The following GOLGA8B variants were observed in gnomAD, a reference collection of about 807,000 sequenced individuals.
GOLGA8B encodes the protein golgin subfamily A member 8B.
Under a neutral mutation model 15.6 loss-of-function variants are expected in GOLGA8B, and 1 was observed. That is an observed-to-expected ratio of 0.06 (90% CI 0.02 to 0.30). The LOEUF (loss-of-function observed/expected upper bound fraction) is 0.30. Ranked by LOEUF, GOLGA8B falls within the 10% of genes least tolerant of loss-of-function variation. GOLGA8B has a pLI of 1.00. For synonymous variants in GOLGA8B, 9 were observed against 80.3 expected, an observed-to-expected ratio of 0.11 and a Z score of 4.75; for missense variants, 17 against 201.3, an observed-to-expected ratio of 0.08 and a Z score of 5.54.
intron 1 of GOLGA8B, among the ~76,000 whole-genome samples, chr15:34,576,474 C>T (rs79619019): frequency 1.3e-5 from 2 of 152,222 alleles, no homozygotes; most frequent in Non-Finnish European, 2.9e-5. Flanking sequence ...AGCACAAAGA[C>T]GTCTTCCCCA....
In GOLGA8B at chr15:34,525,113, TTTTTA is replaced by T. The variant is rs1328284133; in HGVS notation, c.*2514_*2518del. On this transcript the variant is annotated 3_prime_UTR_variant, in exon 24 of 24. Coordinates refer to ENST00000683415, the MANE Select transcript of GOLGA8B (RefSeq NM_001023567.5). Reference sequence around the variant, plus strand: ...CCATAACTTTTTTAATCCCATACCTTTTTTATTTTGTGTTCTTTTAATAAACACTT... The same window carrying T: ...CCATAACTTTTTTAATCCCATACCTTTTTTGTGTTCTTTTAATAAACACTT... The T allele has an allele frequency of 5.3e-5, 8 of 149,872 alleles. 2 individuals carry two copies. Among genetic ancestry groups the T allele is most frequent in the African/African-American group, 1.2e-4 (5 of 40,478 alleles). 9.3% of individuals were successfully genotyped at this position (149,872 alleles called of 1,614,324 possible). A position where few individuals can be genotyped will look rare whatever the true frequency, so the allele number is the denominator to read the frequency against.
intron 1 of GOLGA8B, among the ~76,000 whole-genome samples, chr15:34,564,548 T>C (rs1888706785): frequency 6.8e-6 from 1 of 146,552 alleles, no homozygotes; most frequent in South Asian, 2.1e-4. Flanking sequence ...TTGTCAGTCC[T>C]GGGTATAATT....
intron 5 of GOLGA8B, among the ~76,000 whole-genome samples, 185 bp from the exon 6 acceptor site, chr15:34,545,611 CAT>C (rs1372481147): frequency 1.2e-5 from 1 of 83,182 alleles, no homozygotes; most frequent in East Asian, 3.6e-4. Flanking sequence ...GTATTACTCT[CAT>C]GTAATTGCTC....
chr15:34,573,535 T>A (rs111271553), intron 1 of GOLGA8B, among the ~76,000 whole-genome samples: 24 of 25,252 alleles, frequency 9.5e-4, no homozygotes, highest in East Asian at 1.9e-3. Context: ...AGACTCCGTC[T>A]CAAAAAAAAA....
intron 1 of GOLGA8B, among the ~76,000 whole-genome samples, chr15:34,570,062 A>G (rs376381880): frequency 1.8e-4 from 27 of 152,142 alleles, no homozygotes; most frequent in South Asian, 8.3e-4. Context: ...TGAGAACCAG[A>G]GCTGTACCCT....
chr15:34,576,714 G>C (rs1427568295), intron 1 of GOLGA8B, among the ~76,000 whole-genome samples: 2 of 152,204 alleles, frequency 1.3e-5, no homozygotes, highest in Non-Finnish European at 2.9e-5. Flanking sequence ...CAGGGGCTCA[G>C]AATCTAGCAG....
chr15:34,562,710 A>T (rs1888654671), intron 1 of GOLGA8B, among the ~76,000 whole-genome samples: 1 of 104,194 alleles, frequency 9.6e-6, no homozygotes. Flanking sequence ...TTGTTCATTC[A>T]TATTTGAGAG....
chr15:34,557,643 A>AATGTGTGT (rs1555405937), intron 1 of GOLGA8B, among the ~76,000 whole-genome samples: 8 of 31,474 alleles, frequency 2.5e-4, no homozygotes, highest in Admixed American at 9.3e-4. Context: ...AGAATTCATG[A>AATGTGTGT]ATGTGTGTGT....
chr15:34,532,562 CT>C (rs1279323647), intron 11 of GOLGA8B, among the ~76,000 whole-genome samples: 1 of 109,958 alleles, frequency 9.1e-6, no homozygotes, highest in Non-Finnish European at 2.3e-5. Context: ...TACGGGGCCC[CT>C]GACAACCAGT....
At chr15:34,570,048 G>T (rs1888870945) in intron 1 of GOLGA8B, among the ~76,000 whole-genome samples, 1 of 152,190 alleles carries the variant, frequency 6.6e-6, no homozygotes, top group Non-Finnish European at 1.5e-5. Context: ...CCCACCACCT[G>T]CTTTGAGAAC....
In GOLGA8B at chr15:34,580,098, C is replaced by T. The variant is rs199816419; in HGVS notation, c.-1123+3418G>A. Among the ~76,000 whole-genome samples the T allele has an allele frequency of 2.8e-4, 43 of 152,234 alleles. No individual in the cohort carries two copies. In the East Asian group the frequency reaches 7.9e-3, roughly 28 times the overall value. On this transcript the variant is annotated intron_variant, in intron 1 of 23. Coordinates refer to ENST00000683415, the MANE Select transcript of GOLGA8B (RefSeq NM_001023567.5). ...GGGGTGGGAACAGCAGGTGCAAAGG[C>T]CTGGAGGCAAGAGTGGCCTGGCAAA...
intron 1 of GOLGA8B, among the ~76,000 whole-genome samples, chr15:34,576,023 T>G (rs1747965536): frequency 6.6e-6 from 1 of 152,126 alleles, no homozygotes; most frequent in African/African-American, 2.4e-5. Context: ...AGTCCCTGAG[T>G]GTCAAAGGAC....
rs1888051882 is a variant in GOLGA8B at position 34,526,226 on chromosome 15, CAGT to C, written c.*1403_*1405del. On this transcript the variant is annotated 3_prime_UTR_variant, in exon 24 of 24. Transcript: ENST00000683415. ...CTGATAATACATTGACATTCACAAA[CAGT>C]AGATTGCAGCACAGTGTGTAAACAT... 1 of 150,030 alleles carries C rather than the reference CAGT, an allele frequency of 6.7e-6. No individual in the cohort carries two copies. Among genetic ancestry groups the C allele is most frequent in the South Asian group, 2.1e-4 (1 of 4,670 alleles). The allele number at this position is 150,030 out of a possible 1,614,324, so 9.3% of individuals were successfully genotyped here.
At chr15:34,554,407 C>A (rs1183976946) in intron 1 of GOLGA8B, among the ~76,000 whole-genome samples, 1 of 149,400 alleles carries the variant, frequency 6.7e-6, no homozygotes, top group East Asian at 2.0e-4. Flanking sequence ...ACACCACACA[C>A]ATACCCCATA....
chr15:34,563,339 T>C (rs1376464129), intron 1 of GOLGA8B, among the ~76,000 whole-genome samples: 1 of 144,434 alleles, frequency 6.9e-6, no homozygotes, highest in Non-Finnish European at 1.6e-5. Flanking sequence ...ATGTAGGCTT[T>C]TGGTTAATCT....
chr15:34,579,176 C>G (rs903706887), intron 1 of GOLGA8B, among the ~76,000 whole-genome samples: 6 of 152,010 alleles, frequency 3.9e-5, no homozygotes, highest in Non-Finnish European at 5.9e-5. Context: ...CAGGCTGGAA[C>G]TGAGCTCCTG....
chr15:34,572,325 G>A (rs1281561275), intron 1 of GOLGA8B, among the ~76,000 whole-genome samples: 1 of 152,188 alleles, frequency 6.6e-6, no homozygotes, highest in Non-Finnish European at 1.5e-5. Context: ...TCTATGCTAC[G>A]AAAACAACCC....
At chr15:34,575,844 C>T (rs2655324) in intron 1 of GOLGA8B, among the ~76,000 whole-genome samples, 317 of 141,682 alleles carry the variant, frequency 2.2e-3, no homozygotes, top group South Asian at 0.011. Context: ...TCCATGCCCT[C>T]CCTCCTGATC....
intron 1 of GOLGA8B, among the ~76,000 whole-genome samples, chr15:34,569,506 G>C (rs1888848019): frequency 6.6e-6 from 1 of 150,946 alleles, no homozygotes; most frequent in Non-Finnish European, 1.5e-5. Flanking sequence ...AGCTCCTGTT[G>C]GAAGAGGCTG....
Sources: allele counts gnomAD v4.1 joint callset (sites outside exome capture counted in the v4.1 genomes callset), GRCh38; gene constraint gnomAD v4.1.1; transcripts MANE v1.5; gene names NCBI Gene and HGNC (gene_info 2026-07-23, HGNC 2026-07-21).